Variants in PTPRD observed in about 807,000 individuals in gnomAD.
The protein encoded by PTPRD is protein tyrosine phosphatase receptor type D, also known as receptor-type tyrosine-protein phosphatase delta.
A neutral mutation model predicts 214.5 loss-of-function variants in PTPRD; 34 were observed. The ratio of observed to expected loss-of-function variants is 0.16; its 90% confidence interval spans 0.12 to 0.21. The LOEUF (loss-of-function observed/expected upper bound fraction) is 0.21. Ranked by LOEUF, PTPRD falls within the 10% of genes least tolerant of loss-of-function variation. The pLI is 1.00. For synonymous variants in PTPRD, 1,128 were observed against 845.7 expected (o/e 1.33, Z -5.79); for missense variants, 2,545 against 2,398.7 (o/e 1.06, Z -1.27).
chr9:8,888,831 C>A (rs2098513309), intron 11 of PTPRD, among the ~76,000 whole-genome samples: 1 of 152,144 alleles, frequency 6.6e-6, no homozygotes, highest in African/African-American at 2.4e-5. Context: ...ACTTTGGAGT[C>A]CAACTATCTT....
At chr9:9,427,615 T>C (rs576403490) in intron 8 of PTPRD, among the ~76,000 whole-genome samples, 1 of 152,216 alleles carries the variant, frequency 6.6e-6, no homozygotes, top group South Asian at 2.1e-4. Context: ...AATTGTCAGA[T>C]TTACCAAAGT....
rs531450463 is a variant in PTPRD at position 8,340,329 on chromosome 9, G to C, written c.5253+14C>G. On this transcript the variant is annotated intron_variant, in intron 42 of 45. Transcript: ENST00000381196. ...AATGTCTTATGAGGAGACACACAAG[G>C]GCCACACACTTACTCTGCCCATTTC... is the stretch of plus-strand genomic sequence containing the variant. The C allele has an allele frequency of 6.3e-7, 1 of 1,592,286 alleles. No homozygotes were observed. The highest frequency in any genetic ancestry group is 8.6e-7 in the Non-Finnish European group (1 of 1,164,172).
chr9:9,990,889 T>C (rs1381754232), intron 4 of PTPRD, among the ~76,000 whole-genome samples: 6 of 152,098 alleles, frequency 3.9e-5, no homozygotes, highest in South Asian at 4.1e-4. Context: ...CAACATAGTT[T>C]TGTAAAATCA....
At chr9:10,410,035 C>T (rs1042291976) in intron 2 of PTPRD, among the ~76,000 whole-genome samples, 1 of 151,462 alleles carries the variant, frequency 6.6e-6, no homozygotes, top group African/African-American at 2.4e-5. Flanking sequence ...ATTGTTGCAT[C>T]AAGCCACGAA....
intron 10 of PTPRD, among the ~76,000 whole-genome samples, chr9:9,089,700 T>A (rs1219863223): frequency 1.3e-5 from 2 of 152,206 alleles, no homozygotes; most frequent in Non-Finnish European, 2.9e-5. Flanking sequence ...TGAGATTTTA[T>A]AATGCAGAGT....
At chr9:10,396,831 G>C (rs530451266) in intron 2 of PTPRD, among the ~76,000 whole-genome samples, 75 of 152,080 alleles carry the variant, frequency 4.9e-4, no homozygotes, top group African/African-American at 1.8e-3. Context: ...GTATAAATTG[G>C]CCCAGTGGGG....
At chr9:9,954,417 T>G (rs893864388) in intron 4 of PTPRD, among the ~76,000 whole-genome samples, 25 of 151,920 alleles carry the variant, frequency 1.6e-4, no homozygotes, top group African/African-American at 5.8e-4. Flanking sequence ...GTATACTTAT[T>G]CTAAAAAGCA....
intron 12 of PTPRD, among the ~76,000 whole-genome samples, chr9:8,672,819 C>T (rs1044412577): frequency 8.7e-6 from 1 of 114,654 alleles, no homozygotes; most frequent in African/African-American, 3.5e-5. Context: ...CCTTCATTTT[C>T]CAACATCTTA....
At chr9:9,495,368 T>A (rs914385601) in intron 8 of PTPRD, among the ~76,000 whole-genome samples, 1 of 150,626 alleles carries the variant, frequency 6.6e-6, no homozygotes, top group African/African-American at 2.4e-5. Context: ...GTTTGAAACC[T>A]GCAGCCCAAA....
At position 8,332,202 on chromosome 9, in the gene PTPRD, C is replaced by G. The variant is rs547906592; in HGVS notation, c.5380-466G>C. ...AAGCACCTAGGCATGTCATCCAGAC[C>G]AGAGCTTTTGCAGTTGTCGCAATAA... On this transcript the variant is annotated intron_variant, in intron 43 of 45. Coordinates refer to ENST00000381196, the MANE Select transcript of PTPRD (RefSeq NM_002839.4). Among the ~76,000 whole-genome samples the G allele has an allele frequency of 2.6e-5, 4 of 152,104 alleles. No individual in the cohort carries two copies. The South Asian group carries it at 8.3e-4, about 32-fold the overall frequency.
At position 8,336,260 on chromosome 9, in the gene PTPRD, C is replaced by T. The variant is rs564434339; in HGVS notation, c.5379+2662G>A. ...ACTGGTACCAAAACAGAGATATAGA[C>T]CAATGGAACAGAACAGAGGCCTCAG... On this transcript the variant is annotated intron_variant, in intron 43 of 45. Transcript: ENST00000381196. Among the ~76,000 whole-genome samples the T allele has an allele frequency of 1.3e-3, 190 of 148,692 alleles. 2 individuals carry two copies. Among genetic ancestry groups the T allele is most frequent in the African/African-American group, 4.8e-3 (182 of 38,268 alleles).
At chr9:8,703,826 CAGA>C (rs1432052325) in intron 12 of PTPRD, among the ~76,000 whole-genome samples, 9 of 152,190 alleles carry the variant, frequency 5.9e-5, no homozygotes, top group Admixed American at 6.5e-5. Context: ...TTGGCATCTC[CAGA>C]AGGTTATTTA....
intron 8 of PTPRD, among the ~76,000 whole-genome samples, chr9:9,412,898 G>T (rs2075891040): frequency 6.6e-6 from 1 of 151,920 alleles, no homozygotes; most frequent in African/African-American, 2.4e-5. Flanking sequence ...TCTTAAAACA[G>T]ATGAATAAAT....
At chr9:8,854,460 T>C (rs1354589091) in intron 11 of PTPRD, among the ~76,000 whole-genome samples, 6 of 152,322 alleles carry the variant, frequency 3.9e-5, no homozygotes, top group South Asian at 2.1e-4. Flanking sequence ...AAAAATAGAA[T>C]TGTCCAATGG....
intron 4 of PTPRD, among the ~76,000 whole-genome samples, chr9:9,951,947 C>T (rs1007764970): frequency 6.6e-6 from 1 of 152,134 alleles, no homozygotes; most frequent in Non-Finnish European, 1.5e-5. Flanking sequence ...AACACCTGGC[C>T]CTGGCCCAAA....
At position 10,031,136 on chromosome 9, in the gene PTPRD, C is replaced by T. The variant is rs532124105; in HGVS notation, c.-472+2582G>A. The stretch of plus-strand genomic sequence containing the variant: ...GGTAGTAATTTTCTTTTAAGACAAG[C>T]TAATAATATGCACTATGACTTGGTT... On this transcript the variant is annotated intron_variant, in intron 4 of 45. Coordinates refer to ENST00000381196, the MANE Select transcript of PTPRD (RefSeq NM_002839.4). Among the ~76,000 whole-genome samples, 341 of 152,198 alleles carry T rather than the reference C, an allele frequency of 2.2e-3. 1 individual carries two copies. The highest frequency in any genetic ancestry group is 7.4e-3 in the African/African-American group (309 of 41,526).
chr9:10,011,026 A>C (rs1399552687), intron 4 of PTPRD, among the ~76,000 whole-genome samples: 1 of 151,976 alleles, frequency 6.6e-6, no homozygotes, highest in Non-Finnish European at 1.5e-5. Context: ...AAATCCTACA[A>C]AGTTGTTCAT....
At chr9:9,786,514 G>A (rs1473075750) in intron 5 of PTPRD, among the ~76,000 whole-genome samples, 1 of 152,178 alleles carries the variant, frequency 6.6e-6, no homozygotes, top group Admixed American at 6.5e-5. Flanking sequence ...AACAGCATGT[G>A]AGAAACACAA....
intron 9 of PTPRD, among the ~76,000 whole-genome samples, chr9:9,331,755 T>A (rs2042390321): frequency 6.6e-6 from 1 of 152,000 alleles, no homozygotes; most frequent in Non-Finnish European, 1.5e-5. Flanking sequence ...AATCACTGAA[T>A]CAAATCATCT....
Sources: gnomAD v4.1 joint callset for allele counts (sites outside exome capture counted in the v4.1 genomes callset) on GRCh38, gnomAD v4.1.1 for gene constraint, MANE v1.5 for transcripts, NCBI Gene and HGNC (gene_info 2026-07-23, HGNC 2026-07-21) for gene names.